Variants in SLC71A2 observed in about 807,000 individuals in gnomAD.
The protein encoded by SLC71A2 is hippocampus abundant transcript-like 1.
At chr9:94,450,507 T>TTTTTTTTTC in the SLC71A2 span, among the ~76,000 whole-genome samples, 1 of 137,220 alleles carries the variant, frequency 7.3e-6, no homozygotes, top group African/African-American at 3.0e-5. Context: ...TTTTTTTTTT[T>TTTTTTTTTC]GAGATGGAGT....
the SLC71A2 span, among the ~76,000 whole-genome samples, chr9:94,436,111 G>A: frequency 2.6e-5 from 4 of 152,086 alleles, no homozygotes; most frequent in African/African-American, 9.7e-5. Context: ...TTGTTACACT[G>A]TATTTTTTAA....
At chr9:94,445,110 A>T in the SLC71A2 span, 1 of 1,614,226 alleles carries the variant, frequency 6.2e-7, no homozygotes, top group Non-Finnish European at 8.5e-7. Flanking sequence ...CTGTTCCAGA[A>T]TCTCTGCCTG....
the SLC71A2 span, among the ~76,000 whole-genome samples, chr9:94,409,016 G>T: frequency 6.7e-6 from 1 of 150,196 alleles, no homozygotes; most frequent in African/African-American, 2.4e-5. Context: ...TTAATTTTTA[G>T]TAGAGATGGG....
the SLC71A2 span, among the ~76,000 whole-genome samples, chr9:94,442,845 C>CA: frequency 3.2e-3 from 455 of 140,212 alleles, no homozygotes; most frequent in Middle Eastern, 7.2e-3. Flanking sequence ...AGACCCGCCT[C>CA]AAAAAAAAAA....
the SLC71A2 span, among the ~76,000 whole-genome samples, chr9:94,425,461 A>T: frequency 6.6e-6 from 1 of 152,254 alleles, no homozygotes; most frequent in South Asian, 2.1e-4. Flanking sequence ...GGCAGTCTTG[A>T]GGAAAATGAG....
At chr9:94,403,571 T>A in the SLC71A2 span, among the ~76,000 whole-genome samples, 1 of 152,004 alleles carries the variant, frequency 6.6e-6, no homozygotes, top group African/African-American at 2.4e-5. Flanking sequence ...TAAACATTCA[T>A]AAGTTGAACA....
the SLC71A2 span, among the ~76,000 whole-genome samples, chr9:94,415,426 A>G: frequency 5.3e-5 from 8 of 151,930 alleles, no homozygotes; most frequent in Admixed American, 4.6e-4. Context: ...CACATGTAAC[A>G]CAAAACACCT....
At chr9:94,449,083 G>A in the SLC71A2 span, among the ~76,000 whole-genome samples, 2 of 152,076 alleles carry the variant, frequency 1.3e-5, no homozygotes, top group Non-Finnish European at 2.9e-5. Flanking sequence ...AAATAATGTA[G>A]GAAGATGAGA....
the SLC71A2 span, among the ~76,000 whole-genome samples, chr9:94,441,658 G>A: frequency 6.6e-6 from 1 of 152,210 alleles, no homozygotes; most frequent in Non-Finnish European, 1.5e-5. Flanking sequence ...ACCTAATTTG[G>A]AGAGGTGCTG....
At chr9:94,378,776 T>G in the SLC71A2 span, among the ~76,000 whole-genome samples, 1 of 151,874 alleles carries the variant, frequency 6.6e-6, no homozygotes, top group African/African-American at 2.4e-5. Context: ...AACATGAGAT[T>G]TGGAGGAGAC....
the SLC71A2 span, among the ~76,000 whole-genome samples, chr9:94,376,423 C>T: frequency 6.6e-6 from 1 of 152,032 alleles, no homozygotes; most frequent in African/African-American, 2.4e-5. Flanking sequence ...CTCACCCCAG[C>T]GTCAGTCCAC....
the SLC71A2 span, chr9:94,441,088 G>A: frequency 6.3e-7 from 1 of 1,575,232 alleles, no homozygotes; most frequent in South Asian, 1.1e-5. Flanking sequence ...GCGAAGTACA[G>A]CTTATGGATG....
the SLC71A2 span, among the ~76,000 whole-genome samples, chr9:94,392,640 A>G: frequency 6.6e-6 from 1 of 152,072 alleles, no homozygotes; most frequent in African/African-American, 2.4e-5. Context: ...AGCTGGGACT[A>G]CAGGCTTGTG....
At chr9:94,385,141 C>T in the SLC71A2 span, among the ~76,000 whole-genome samples, 1 of 152,128 alleles carries the variant, frequency 6.6e-6, no homozygotes, top group African/African-American at 2.4e-5. Context: ...GAGACACTCC[C>T]TTGCAGGTAG....
the SLC71A2 span, among the ~76,000 whole-genome samples, chr9:94,430,307 C>T: frequency 1.3e-5 from 2 of 151,818 alleles, no homozygotes; most frequent in African/African-American, 4.8e-5. Context: ...ACTGCAACCT[C>T]CACCTCCCGG....
the SLC71A2 span, among the ~76,000 whole-genome samples, chr9:94,414,652 G>A: frequency 6.6e-6 from 1 of 152,078 alleles, no homozygotes; most frequent in South Asian, 2.1e-4. Context: ...GGGATAGATC[G>A]AAAGTCTATA....
At chr9:94,398,633 T>C in the SLC71A2 span, among the ~76,000 whole-genome samples, 2 of 151,098 alleles carry the variant, frequency 1.3e-5, no homozygotes, top group Admixed American at 6.6e-5. Flanking sequence ...AACTTGTTTG[T>C]GGAGGCCTGG....
the SLC71A2 span, among the ~76,000 whole-genome samples, chr9:94,379,578 A>G: frequency 1.4e-4 from 21 of 150,450 alleles, no homozygotes; most frequent in African/African-American, 4.4e-4. Flanking sequence ...TTTTGTAGAG[A>G]TTGGGTCTCA....
At chr9:94,387,124 A>G in the SLC71A2 span, among the ~76,000 whole-genome samples, 1 of 151,554 alleles carries the variant, frequency 6.6e-6, no homozygotes. Context: ...TGTGGAGAAC[A>G]CTCTCATGTC....
Sources: gnomAD v4.1 joint callset for allele counts (sites outside exome capture counted in the v4.1 genomes callset) on GRCh38, gnomAD v4.1.1 for gene constraint, MANE v1.5 for transcripts, NCBI Gene and HGNC (gene_info 2026-07-23, HGNC 2026-07-21) for gene names.